SV2C: variants seen among roughly 807,000 people sequenced by gnomAD.
The protein encoded by SV2C is solute carrier family 22 member B3.
A neutral mutation model predicts 79.7 loss-of-function variants in SV2C; 49 were observed. That is an observed-to-expected ratio of 0.61 (90% CI 0.49 to 0.78). The LOEUF (loss-of-function observed/expected upper bound fraction) is 0.78, where lower values mean the gene tolerates loss of function less well. Ranked by LOEUF, SV2C falls within the 30% of genes least tolerant of loss-of-function variation. The pLI is 0.00. For synonymous variants in SV2C, 334 were observed against 333.2 expected (o/e 1.00, Z -0.03); for missense variants, 833 against 912.9 (o/e 0.91, Z 1.13).
chr5:76,084,024 C>A (rs966824102), intron 1 of SV2C: 3 of 152,292 alleles, frequency 2.0e-5, no homozygotes, highest in Admixed American at 2.0e-4. Context: ...GCAGAGGTAG[C>A]CGCAGTAAGT....
the SV2C span, among the ~76,000 whole-genome samples, chr5:75,868,494 A>G: frequency 6.6e-6 from 1 of 152,204 alleles, no homozygotes. Context: ...CTGGGACCAG[A>G]CCAAACAAAC....
At position 76,217,977 on chromosome 5, in the gene SV2C, A is replaced by T. The variant is rs185232095; in HGVS notation, c.913+8090A>T. Among the ~76,000 whole-genome samples, 12 of 152,288 alleles carry T rather than the reference A, an allele frequency of 7.9e-5. No homozygotes were observed. The East Asian group carries it at 2.3e-3, about 29-fold the overall frequency. On this transcript the variant is annotated intron_variant, in intron 4 of 12. Coordinates refer to ENST00000502798, the MANE Select transcript of SV2C (RefSeq NM_014979.4). ...AGTCTGACAACTCTAACCTGTGAGC[A>T]TCAACTACCAGCTGATTCTGCGGGT...
the SV2C span, among the ~76,000 whole-genome samples, chr5:75,854,039 C>T: frequency 6.6e-6 from 1 of 150,788 alleles, no homozygotes; most frequent in Admixed American, 6.6e-5. Flanking sequence ...GGAGTCAGTC[C>T]CCACCCAACC....
At chr5:76,177,008 G>A (rs920912300) in intron 2 of SV2C, among the ~76,000 whole-genome samples, 30 of 151,586 alleles carry the variant, frequency 2.0e-4, no homozygotes, top group African/African-American at 5.8e-4. Context: ...CCAGCTACTC[G>A]GGAGGCTGAG....
chr5:75,856,755 T>C, the SV2C span, among the ~76,000 whole-genome samples: 1 of 152,120 alleles, frequency 6.6e-6, no homozygotes, highest in East Asian at 1.9e-4. Flanking sequence ...TGTCTCTTCG[T>C]TTTGTTGATT....
At chr5:75,858,253 C>A in the SV2C span, among the ~76,000 whole-genome samples, 1 of 152,032 alleles carries the variant, frequency 6.6e-6, no homozygotes, top group African/African-American at 2.4e-5. Context: ...TTGTATATGG[C>A]TTTTTTGTGT....
chr5:76,066,162 G>A, the SV2C span, among the ~76,000 whole-genome samples: 24 of 151,746 alleles, frequency 1.6e-4, no homozygotes, highest in Admixed American at 1.4e-3. Flanking sequence ...TGTTTATTGC[G>A]GCACTATTCA....
At chr5:75,877,783 C>A in the SV2C span, among the ~76,000 whole-genome samples, 1 of 151,798 alleles carries the variant, frequency 6.6e-6, no homozygotes, top group East Asian at 1.9e-4. Context: ...AATGTAATTC[C>A]CAGTGTTGAA....
At chr5:76,336,843 T>G (rs1749339701), downstream of SV2C, among the ~76,000 whole-genome samples, 1 of 152,166 alleles carries the variant, frequency 6.6e-6, no homozygotes. Flanking sequence ...AAACCCCTAG[T>G]GTATCAGGGA....
At chr5:75,863,911 A>G in the SV2C span, among the ~76,000 whole-genome samples, 2 of 152,182 alleles carry the variant, frequency 1.3e-5, no homozygotes, top group African/African-American at 2.4e-5. Flanking sequence ...CAAGCTTTCA[A>G]TTTTCAATAA....
the SV2C span, among the ~76,000 whole-genome samples, chr5:76,030,236 T>C: frequency 1.4e-5 from 2 of 145,654 alleles, no homozygotes; most frequent in African/African-American, 5.0e-5. Context: ...ATAATTTTCC[T>C]ACAAGACAGA....
chr5:76,202,893 A>G (rs1282726447), intron 3 of SV2C, among the ~76,000 whole-genome samples: 2 of 152,230 alleles, frequency 1.3e-5, no homozygotes, highest in African/African-American at 4.8e-5. Flanking sequence ...ACACGTTAAA[A>G]TAATATTTTA....
At chr5:75,963,916 T>C in the SV2C span, among the ~76,000 whole-genome samples, 1 of 152,172 alleles carries the variant, frequency 6.6e-6, no homozygotes, top group Non-Finnish European at 1.5e-5. Context: ...TTCCGGTTCT[T>C]CTATTGAATT....
At chr5:76,127,222 A>G (rs957630137) in intron 1 of SV2C, among the ~76,000 whole-genome samples, 1 of 152,194 alleles carries the variant, frequency 6.6e-6, no homozygotes, top group Non-Finnish European at 1.5e-5. Context: ...CAAGAGAAAC[A>G]TCTGTGTGTT....
the SV2C span, among the ~76,000 whole-genome samples, chr5:75,856,571 GTTT>G: frequency 6.6e-6 from 1 of 152,134 alleles, no homozygotes; most frequent in Non-Finnish European, 1.5e-5. Context: ...TCATATGCCT[GTTT>G]GCCATTTGTA....
intron 2 of SV2C, among the ~76,000 whole-genome samples, chr5:76,137,715 T>A (rs1580297799): frequency 1.3e-5 from 2 of 152,314 alleles, no homozygotes; most frequent in African/African-American, 2.4e-5. Context: ...ACAATCCTCT[T>A]AAATCTCCTG....
chr5:75,984,578 TCTATCTATCTATCTATCTAC>T, the SV2C span, among the ~76,000 whole-genome samples: 1,051 of 84,548 alleles, frequency 0.012, 7 homozygotes, highest in Middle Eastern at 0.048. Flanking sequence ...TATCTATCTA[TCTATCTATCTATCTATCTAC>T]CTATCTATCT....
chr5:76,001,388 C>G, the SV2C span, among the ~76,000 whole-genome samples: 1 of 152,138 alleles, frequency 6.6e-6, no homozygotes, highest in Non-Finnish European at 1.5e-5. Context: ...ATCATGAGGT[C>G]AGGAGATTGA....
At chr5:76,315,524 T>C (rs989268626) in intron 12 of SV2C, among the ~76,000 whole-genome samples, 2 of 152,144 alleles carry the variant, frequency 1.3e-5, no homozygotes, top group African/African-American at 4.8e-5. Flanking sequence ...CTACAAAGGC[T>C]ACCCAGCTCC....
Sources: allele counts gnomAD v4.1 joint callset (sites outside exome capture counted in the v4.1 genomes callset), GRCh38; gene constraint gnomAD v4.1.1; transcripts MANE v1.5; gene names NCBI Gene and HGNC (gene_info 2026-07-23, HGNC 2026-07-21).